The following BCAR3 variants were observed in gnomAD, a reference collection of about 807,000 sequenced individuals.
The protein encoded by BCAR3 is BCAR3 adaptor protein, NSP family member.
Under a neutral mutation model 80.1 loss-of-function variants are expected in BCAR3, and 37 were observed. The ratio of observed to expected loss-of-function variants is 0.46; its 90% CI spans 0.36 to 0.61. The LOEUF is 0.61. Ranked by LOEUF, BCAR3 falls within the 20% of genes least tolerant of loss-of-function variation. The pLI, the probability that BCAR3 is intolerant of heterozygous loss-of-function variation, is 0.00. For missense variants in BCAR3, 978 were observed against 1,068.2 expected (o/e 0.92, Z 1.18); for synonymous variants, 389 against 418.9 (o/e 0.93, Z 0.87).
intron 2 of BCAR3, among the ~76,000 whole-genome samples, chr1:93,748,252 G>T (rs1025516261): frequency 6.6e-6 from 1 of 152,178 alleles, no homozygotes; most frequent in African/African-American, 2.4e-5. Flanking sequence ...GGGCTAGCTT[G>T]CTTGCCTGGG....
intron 2 of BCAR3, among the ~76,000 whole-genome samples, chr1:93,756,668 G>A (rs1268919416): frequency 6.6e-6 from 1 of 152,210 alleles, no homozygotes; most frequent in African/African-American, 2.4e-5. Flanking sequence ...GAAACTGAAA[G>A]GGCCTTGGTT....
upstream of BCAR3, among the ~76,000 whole-genome samples, chr1:93,683,315 G>A (rs1389796640): frequency 1.3e-5 from 2 of 152,092 alleles, no homozygotes; most frequent in Non-Finnish European, 2.9e-5. Context: ...ATACCACCCA[G>A]AATGACTAAA....
intron 2 of BCAR3, among the ~76,000 whole-genome samples, chr1:93,774,348 G>A (rs1652463029): frequency 1.3e-5 from 2 of 152,014 alleles, no homozygotes; most frequent in South Asian, 2.1e-4. Context: ...GCCGGGCGTG[G>A]TGGCGTGCAC....
chr1:93,847,630 G>A (rs2100865058), upstream of BCAR3: 1 of 152,700 alleles, frequency 6.5e-6, no homozygotes. Flanking sequence ...GCATTCAAAG[G>A]TTCCGGGTTC....
At chr1:93,749,130 A>C (rs1429675327) in intron 2 of BCAR3, among the ~76,000 whole-genome samples, 2 of 149,304 alleles carry the variant, frequency 1.3e-5, no homozygotes, top group East Asian at 2.0e-4. Context: ...GGGCCCCCAC[A>C]CACACAAACA....
At chr1:93,644,030 G>A (rs1478461882) in intron 2 of BCAR3, among the ~76,000 whole-genome samples, 7 of 152,010 alleles carry the variant, frequency 4.6e-5, no homozygotes, top group African/African-American at 1.7e-4. Flanking sequence ...CCTATATATC[G>A]TGACTTACTT....
chr1:93,757,160 G>A (rs1651776317), intron 2 of BCAR3, among the ~76,000 whole-genome samples: 1 of 152,152 alleles, frequency 6.6e-6, no homozygotes, highest in South Asian at 2.1e-4. Flanking sequence ...GTGCAAAGAG[G>A]AAGACCTTTA....
intron 7 of BCAR3, among the ~76,000 whole-genome samples, chr1:93,580,051 T>C (rs569120436): frequency 6.6e-6 from 1 of 152,348 alleles, no homozygotes; most frequent in East Asian, 1.9e-4. Flanking sequence ...TCTCAAGGCC[T>C]GCTCAGCAGA....
chr1:93,597,881 C>T (rs1013668364), intron 3 of BCAR3, among the ~76,000 whole-genome samples: 2 of 152,206 alleles, frequency 1.3e-5, no homozygotes, highest in Non-Finnish European at 2.9e-5. Context: ...TGCTCGGTTA[C>T]ACGGAGGGGA....
At chr1:93,746,976 T>C (rs1651379981) in intron 2 of BCAR3, among the ~76,000 whole-genome samples, 1 of 152,194 alleles carries the variant, frequency 6.6e-6, no homozygotes, top group Admixed American at 6.5e-5. Flanking sequence ...TCACCAACTC[T>C]TTCTCCTCTG....
chr1:93,687,647 C>A (rs1413215845), intron 3 of BCAR3, among the ~76,000 whole-genome samples: 1 of 152,136 alleles, frequency 6.6e-6, no homozygotes, highest in African/African-American at 2.4e-5. Flanking sequence ...GGTTCCTTTG[C>A]CCAAGAGACA....
chr1:93,729,835 T>A (rs1650720187), intron 2 of BCAR3, among the ~76,000 whole-genome samples: 1 of 152,216 alleles, frequency 6.6e-6, no homozygotes. Flanking sequence ...TGGGGCCACA[T>A]CAGCTTGCAC....
rs533066088 is a variant in BCAR3, at chr1:93,620,625, C to T, written c.357+21679G>A. 1.4e-4 allele frequency among the ~76,000 whole-genome samples: 22 copies of T among 152,224 alleles called. No individual in the cohort carries two copies. In the South Asian group the frequency reaches 4.6e-3, roughly 32 times the overall value. ...TCAGCCTCAGTCCTGATTGGATGCC[C>T]TACAGGATCCTCACTCCTCCAGCCC... is the stretch of plus-strand genomic sequence containing the variant. On this transcript the variant is annotated intron_variant, in intron 3 of 11. Transcript: ENST00000260502.
At chr1:93,576,610 C>T (rs928067115) in intron 7 of BCAR3, among the ~76,000 whole-genome samples, 1 of 152,194 alleles carries the variant, frequency 6.6e-6, no homozygotes, top group African/African-American at 2.4e-5. Context: ...CTGCTATTAC[C>T]CTTAATTACG....
At chr1:93,747,981 T>C (rs1204018226) in intron 2 of BCAR3, among the ~76,000 whole-genome samples, 1 of 147,834 alleles carries the variant, frequency 6.8e-6, no homozygotes, top group Non-Finnish European at 1.5e-5. Flanking sequence ...GAACCAACCC[T>C]GGTGGTTCAT....
At chr1:93,565,387 A>AG (rs1452156645) in intron 11 of BCAR3, among the ~76,000 whole-genome samples, 4 of 62,604 alleles carry the variant, frequency 6.4e-5, no homozygotes, top group Non-Finnish European at 1.8e-4. Context: ...ACTCCTATTC[A>AG]TACATGCTTT....
At chr1:93,844,792 T>G (rs1364019031) in intron 2 of BCAR3, among the ~76,000 whole-genome samples, 2 of 148,624 alleles carry the variant, frequency 1.3e-5, no homozygotes, top group Admixed American at 6.8e-5. Flanking sequence ...CACTGTAACC[T>G]CAAGCTCCTG....
At chr1:93,754,661 C>T (rs757036761) in intron 2 of BCAR3, among the ~76,000 whole-genome samples, 3 of 152,158 alleles carry the variant, frequency 2.0e-5, no homozygotes, top group Admixed American at 6.5e-5. Flanking sequence ...CATCGCAGTG[C>T]AGTGCATTCC....
chr1:93,668,918 G>C (rs920607408), intron 2 of BCAR3, among the ~76,000 whole-genome samples: 1 of 151,930 alleles, frequency 6.6e-6, no homozygotes, highest in African/African-American at 2.4e-5. Flanking sequence ...CACCATGTTG[G>C]CCAGGCTGGT....
Sources: gnomAD v4.1 joint callset for allele counts (sites outside exome capture counted in the v4.1 genomes callset) on GRCh38, gnomAD v4.1.1 for gene constraint, MANE v1.5 for transcripts, NCBI Gene and HGNC (gene_info 2026-07-23, HGNC 2026-07-21) for gene names.